Variants in KCNC2 observed in about 807,000 individuals in gnomAD.
KCNC2 encodes the protein voltage-gated potassium channel KCNC2.
KCNC2 carries 21 observed loss-of-function variants against 44.5 expected under a neutral mutation model. The ratio of observed to expected loss-of-function variants is 0.47; its 90% CI spans 0.33 to 0.68. The LOEUF (loss-of-function observed/expected upper bound fraction) is 0.68, where lower values mean the gene tolerates loss of function less well. Ranked by LOEUF, KCNC2 falls within the 30% of genes least tolerant of loss-of-function variation. KCNC2 has a pLI of 0.01. For synonymous variants in KCNC2, 391 were observed against 339.1 expected, an observed-to-expected ratio of 1.15 and a Z score of -1.68; for missense variants, 589 against 826.2, an observed-to-expected ratio of 0.71 and a Z score of 3.52.
rs751849483 is a variant in KCNC2, at chr12:75,071,937, C to CAAAAAAAAAAAAAA, written c.688-20634_688-20621dup. On this transcript the variant is annotated intron_variant, in intron 2 of 4. Coordinates refer to ENST00000549446, the MANE Select transcript of KCNC2 (RefSeq NM_139137.4). Reference sequence around the variant, plus strand: ...TGGGCGACAGAGCGAGACTCCTTCTCAAAAAAAAAAAAAAAAAAAAAAAAA... The same window carrying CAAAAAAAAAAAAAA: ...TGGGCGACAGAGCGAGACTCCTTCTCAAAAAAAAAAAAAAAAAAAAAAAAAAAAAAAAAAAAAAA... 5.5e-4 allele frequency among the ~76,000 whole-genome samples: 37 copies of CAAAAAAAAAAAAAA among 67,330 alleles called. 3 individuals carry two copies. The highest frequency in any genetic ancestry group is 2.8e-3 in the African/African-American group (34 of 12,346). The allele number at this position is 67,330 out of a possible 152,430, so 44.2% of individuals were successfully genotyped here.
rs779143488 is a variant in KCNC2 at position 75,116,779 on chromosome 12, G to A, written c.688-65462C>T. On this transcript the variant is annotated intron_variant, in intron 2 of 4. Coordinates refer to ENST00000549446, the MANE Select transcript of KCNC2 (RefSeq NM_139137.4). ...GTAGCCTGTACCCACCCTTCTTAAC[G>A]GACACCATATGCTGACCCTCCTCCC... Among the ~76,000 whole-genome samples, 7 of 152,096 alleles carry A rather than the reference G, an allele frequency of 4.6e-5. No individual in the cohort carries two copies. The South Asian group carries it at 8.3e-4, about 18-fold the overall frequency.
intron 2 of KCNC2, among the ~76,000 whole-genome samples, chr12:75,091,537 T>TA (rs1310143904): frequency 6.6e-6 from 1 of 151,606 alleles, no homozygotes; most frequent in African/African-American, 2.4e-5. Context: ...GAAAAAACAA[T>TA]AGTACTTTTA....
At chr12:75,199,690 C>T (rs906707042) in intron 2 of KCNC2, among the ~76,000 whole-genome samples, 1 of 151,808 alleles carries the variant, frequency 6.6e-6, no homozygotes, top group African/African-American at 2.4e-5. Context: ...CTTCAATTCA[C>T]CAGTCATCCC....
At chr12:75,166,545 T>A (rs948253046) in intron 2 of KCNC2, among the ~76,000 whole-genome samples, 3 of 151,092 alleles carry the variant, frequency 2.0e-5, no homozygotes, top group African/African-American at 7.3e-5. Flanking sequence ...CTTCTCCAGG[T>A]TATATCATAT....
At chr12:75,105,305 T>C (rs538315878) in intron 2 of KCNC2, among the ~76,000 whole-genome samples, 10 of 152,182 alleles carry the variant, frequency 6.6e-5, no homozygotes, top group African/African-American at 2.2e-4. Flanking sequence ...GCTTAACTCA[T>C]GAATTACATA....
intron 2 of KCNC2, among the ~76,000 whole-genome samples, chr12:75,145,460 C>T (rs78918176): frequency 0.12 from 17,305 of 145,466 alleles, 1,137 homozygotes; most frequent in African/African-American, 0.18. Flanking sequence ...ATTTTCTTTT[C>T]TTTTATTAAA....
intron 4 of KCNC2, among the ~76,000 whole-genome samples, chr12:75,047,174 G>A (rs554284821): frequency 1.9e-4 from 29 of 151,826 alleles, no homozygotes; most frequent in Admixed American, 1.9e-3. Flanking sequence ...AATAACTGTG[G>A]CAATAAAGCA....
intron 2 of KCNC2, among the ~76,000 whole-genome samples, chr12:75,107,944 A>G (rs1172291486): frequency 1.3e-5 from 2 of 152,174 alleles, no homozygotes; most frequent in Non-Finnish European, 2.9e-5. Context: ...ATTATAAAAG[A>G]CTTTTAAAAA....
intron 3 of KCNC2, among the ~76,000 whole-genome samples, chr12:75,049,494 A>G (rs1310646897): frequency 6.6e-6 from 1 of 152,132 alleles, no homozygotes; most frequent in Non-Finnish European, 1.5e-5. Flanking sequence ...CAGACAGTAG[A>G]CAAGAGGTGA....
At chr12:75,200,499 T>C (rs2031155209) in intron 2 of KCNC2, among the ~76,000 whole-genome samples, 2 of 151,822 alleles carry the variant, frequency 1.3e-5, no homozygotes, top group Admixed American at 1.3e-4. Flanking sequence ...TAAAGCCATA[T>C]TCCCACAAAT....
chr12:75,046,569 C>T (rs1301436335), intron 4 of KCNC2, among the ~76,000 whole-genome samples: 1 of 151,666 alleles, frequency 6.6e-6, no homozygotes, highest in Admixed American at 6.6e-5. Context: ...ATTCAATGCA[C>T]TTGGAACAGC....
chr12:75,186,737 G>C (rs2446340), intron 2 of KCNC2, among the ~76,000 whole-genome samples: 152,313 of 152,314 alleles, frequency 1, 76,156 homozygotes, highest in Non-Finnish European at 1. Context: ...TTCATGAAGA[G>C]ATTCTTATTT....
chr12:75,196,764 T>C (rs1306939019), intron 2 of KCNC2, among the ~76,000 whole-genome samples: 1 of 152,004 alleles, frequency 6.6e-6, no homozygotes, highest in Non-Finnish European at 1.5e-5. Flanking sequence ...AGCCAGTTAG[T>C]TACTTAACTC....
chr12:75,146,774 T>C (rs1270539918), intron 2 of KCNC2, among the ~76,000 whole-genome samples: 1 of 152,214 alleles, frequency 6.6e-6, no homozygotes, highest in Non-Finnish European at 1.5e-5. Context: ...GAATCTCCAT[T>C]TCCTCACATC....
At chr12:75,108,745 C>T (rs1886987674) in intron 2 of KCNC2, among the ~76,000 whole-genome samples, 1 of 152,096 alleles carries the variant, frequency 6.6e-6, no homozygotes, top group African/African-American at 2.4e-5. Context: ...TTCATGAATC[C>T]CGTGTGGTAG....
intron 2 of KCNC2, among the ~76,000 whole-genome samples, chr12:75,104,495 C>T (rs1416478928): frequency 6.6e-6 from 1 of 152,022 alleles, no homozygotes; most frequent in East Asian, 1.9e-4. Flanking sequence ...ATCAGTACAG[C>T]ACATTTCCTC....
intron 2 of KCNC2, among the ~76,000 whole-genome samples, chr12:75,083,998 T>C (rs1282629834): frequency 1.3e-5 from 2 of 151,994 alleles, no homozygotes; most frequent in Non-Finnish European, 2.9e-5. Flanking sequence ...TGTTTCTAAA[T>C]TGGATACATC....
At chr12:75,138,979 T>TTAA (rs1178222937) in intron 2 of KCNC2, among the ~76,000 whole-genome samples, 1 of 77,928 alleles carries the variant, frequency 1.3e-5, no homozygotes, top group African/African-American at 5.4e-5. Flanking sequence ...AGACTCCGTG[T>TTAA]AAAAAAAAAA....
chr12:75,144,377 G>A (rs1889866932), intron 2 of KCNC2, among the ~76,000 whole-genome samples: 1 of 152,120 alleles, frequency 6.6e-6, no homozygotes, highest in African/African-American at 2.4e-5. Flanking sequence ...TGTCCCACTA[G>A]TACATTAATG....
Sources: gnomAD v4.1 joint callset for allele counts (sites outside exome capture counted in the v4.1 genomes callset) on GRCh38, gnomAD v4.1.1 for gene constraint, MANE v1.5 for transcripts, NCBI Gene and HGNC (gene_info 2026-07-23, HGNC 2026-07-21) for gene names.